SMAD2: variants seen among roughly 807,000 people sequenced by gnomAD.
The protein encoded by SMAD2 is SMAD family member 2, also known as MAD homolog 2.
A neutral mutation model predicts 64.4 loss-of-function variants in SMAD2; 8 were observed. That is an observed-to-expected ratio of 0.12 (90% CI 0.07 to 0.22). SMAD2 has a LOEUF of 0.22. Among genes scored for constraint, SMAD2 ranks in the 10% least tolerant of loss-of-function variants. The probability of loss-of-function intolerance (pLI) is 1.00; values close to 1 mark genes in which losing one functional copy is unlikely to be tolerated. For missense variants in SMAD2, 289 were observed against 561.2 expected (o/e 0.51, Z 4.90); for synonymous variants, 203 against 195.8 (o/e 1.04, Z -0.31).
intron 10 of SMAD2, among the ~76,000 whole-genome samples, chr18:47,842,837 C>T (rs1230337230): frequency 6.6e-6 from 1 of 152,162 alleles, no homozygotes; most frequent in African/African-American, 2.4e-5. Flanking sequence ...AAAGGGGCAA[C>T]TCTAAGAGAA....
chr18:47,895,099 TA>T (rs1354876309), intron 2 of SMAD2, among the ~76,000 whole-genome samples: 1 of 152,238 alleles, frequency 6.6e-6, no homozygotes, highest in Non-Finnish European at 1.5e-5. Flanking sequence ...TAAAAATATG[TA>T]AGATCCTCTT....
Position 47,832,295 on chromosome 18 carries a change from A to C in SMAD2, c.*9532T>G, listed in dbSNP as rs16958485. 6.6e-6 allele frequency: 1 copy of C among 152,210 alleles called. No homozygotes were observed. Among genetic ancestry groups the C allele is most frequent in the Non-Finnish European group, 1.5e-5 (1 of 68,046 alleles). 9.4% of individuals were successfully genotyped at this position (152,210 alleles called of 1,614,324 possible). On this transcript the variant is annotated 3_prime_UTR_variant, in exon 11 of 11. Transcript: ENST00000262160. ...CAGGCAAAGCCAGGCTGAGGTGACA[A>C]TGTAGAAGGATCTCGAGTCAGCCCT...
chr18:47,871,080 T>G (rs540218626), intron 2 of SMAD2, among the ~76,000 whole-genome samples: 5 of 152,184 alleles, frequency 3.3e-5, no homozygotes, highest in African/African-American at 4.8e-5. Context: ...CTAGAATAAA[T>G]AAAGAAATAG....
Position 47,827,690 on chromosome 18 carries a change from C to T in SMAD2, c.*14137G>A, listed in dbSNP as rs1912808179. On this transcript the variant is annotated 3_prime_UTR_variant, in exon 11 of 11. Coordinates refer to ENST00000262160, the MANE Select transcript of SMAD2 (RefSeq NM_005901.6). The stretch of plus-strand genomic sequence containing the variant: ...GGAGACGGGGTTTCGCCGTGTTGGC[C>T]AGGCTGGTCTCCAGCTCCTGACCGC... 1 of 159,126 alleles carries T rather than the reference C, an allele frequency of 6.3e-6. No homozygotes were observed. The highest frequency in any genetic ancestry group is 1.4e-5 in the Non-Finnish European group (1 of 72,970). 9.9% of individuals were successfully genotyped at this position (159,126 alleles called of 1,614,324 possible).
At chr18:47,871,303 C>T (rs1384455397) in intron 2 of SMAD2, among the ~76,000 whole-genome samples, 1 of 152,168 alleles carries the variant, frequency 6.6e-6, no homozygotes, top group African/African-American at 2.4e-5. Flanking sequence ...CTAAGTTGTA[C>T]TTTTCTGAAA....
chr18:47,875,239 C>T (rs757387728), intron 2 of SMAD2, among the ~76,000 whole-genome samples: 10 of 152,082 alleles, frequency 6.6e-5, no homozygotes, highest in African/African-American at 1.9e-4. Flanking sequence ...TTTTAAGATG[C>T]CTTTGGTAGG....
At position 47,904,460 on chromosome 18, in the gene SMAD2, G is replaced by A. The variant is rs771644549; in HGVS notation, c.-53-7651C>T. Among the ~76,000 whole-genome samples, 20 of 151,842 alleles carry A rather than the reference G, an allele frequency of 1.3e-4. No individual in the cohort carries two copies. In the East Asian group the frequency reaches 1.9e-3, roughly 15 times the overall value. ...AATAACCACCATATTCTACTGCCAC[G>A]GGAAGGGAGGAAACATTGCTACCAC... On this transcript the variant is annotated intron_variant, in intron 1 of 10. Transcript: ENST00000262160.
chr18:47,857,282 C>A (rs1489970439), intron 6 of SMAD2, among the ~76,000 whole-genome samples: 1 of 152,138 alleles, frequency 6.6e-6, no homozygotes, highest in Non-Finnish European at 1.5e-5. Context: ...ACATTATAAT[C>A]ATCAAATTCA....
Position 47,824,259 on chromosome 18 carries a change from C to T in SMAD2, c.*17568G>A, listed in dbSNP as rs932229921. ...CCTGACAAATGGAGCCAGGGAAGTC[C>T]ATGAAGAGAGGGATTTTACGCACTA... On this transcript the variant is annotated 3_prime_UTR_variant, in exon 11 of 11. Transcript: ENST00000262160. 6.6e-6 allele frequency: 1 copy of T among 152,126 alleles called. No individual in the cohort carries two copies. Among genetic ancestry groups the T allele is most frequent in the Non-Finnish European group, 1.5e-5 (1 of 68,028 alleles). 9.4% of individuals were successfully genotyped at this position (152,126 alleles called of 1,614,324 possible).
In SMAD2 at chr18:47,826,624, C is replaced by G. The variant is rs1320143833; in HGVS notation, c.*15203G>C. ...AAGACTACAACTGCTCCAGAGACAT[C>G]TAGCCGAAATCACTTATCTAATTCA... is the stretch of plus-strand genomic sequence containing the variant. On this transcript the variant is annotated 3_prime_UTR_variant, in exon 11 of 11. Transcript: ENST00000262160. 6.6e-6 allele frequency: 1 copy of G among 152,234 alleles called. No individual in the cohort carries two copies. Among genetic ancestry groups the G allele is most frequent in the Admixed American group, 6.5e-5 (1 of 15,290 alleles). 9.4% of individuals were successfully genotyped at this position (152,234 alleles called of 1,614,324 possible).
In SMAD2 at chr18:47,810,673, G is replaced by T. The variant is rs1912171548; in HGVS notation, c.*31154C>A. On this transcript the variant is annotated 3_prime_UTR_variant, in exon 11 of 11. Coordinates refer to ENST00000262160, the MANE Select transcript of SMAD2 (RefSeq NM_005901.6). Reference sequence around the variant, plus strand: ...ATAAAGCCCAGGCATGGTGGCTCATGCCTGTAATCCCAACACGTTGGGAGG... The same window carrying T: ...ATAAAGCCCAGGCATGGTGGCTCATTCCTGTAATCCCAACACGTTGGGAGG... 1 of 152,234 alleles carries T rather than the reference G, an allele frequency of 6.6e-6. No homozygotes were observed. The highest frequency in any genetic ancestry group is 6.5e-5 in the Admixed American group (1 of 15,288). 9.4% of individuals were successfully genotyped at this position (152,234 alleles called of 1,614,324 possible). A position where few individuals can be genotyped will look rare whatever the true frequency, so the allele number is the denominator to read the frequency against.
chr18:47,909,408 T>G (rs1055149751), intron 1 of SMAD2, among the ~76,000 whole-genome samples: 1 of 152,126 alleles, frequency 6.6e-6, no homozygotes, highest in Non-Finnish European at 1.5e-5. Context: ...AGTAGATGAG[T>G]TAGTTCCTAG....
intron 6 of SMAD2, among the ~76,000 whole-genome samples, chr18:47,852,821 C>T (rs1421369750): frequency 6.6e-6 from 1 of 152,108 alleles, no homozygotes; most frequent in Admixed American, 6.6e-5. Flanking sequence ...ATAAGAACCA[C>T]CACAGACAAC....
intron 6 of SMAD2, among the ~76,000 whole-genome samples, chr18:47,854,962 G>T (rs868528691): frequency 2.0e-5 from 3 of 152,172 alleles, no homozygotes; most frequent in African/African-American, 7.2e-5. Flanking sequence ...GTTTCAAACA[G>T]AGTAGTTTCA....
At chr18:47,861,023 G>T (rs939867601) in intron 6 of SMAD2, among the ~76,000 whole-genome samples, 1 of 151,998 alleles carries the variant, frequency 6.6e-6, no homozygotes, top group Non-Finnish European at 1.5e-5. Context: ...GTCTTAGTTA[G>T]GACAGAAAAA....
chr18:47,844,926 T>C (rs1421481086), intron 10 of SMAD2: 2 of 328,094 alleles, frequency 6.1e-6, no homozygotes, highest in Non-Finnish European at 1.1e-5. Context: ...TGAATTGCTA[T>C]GCTATTGTCA....
intron 6 of SMAD2, among the ~76,000 whole-genome samples, chr18:47,859,818 C>T (rs1394883679): frequency 6.6e-6 from 1 of 152,134 alleles, no homozygotes; most frequent in South Asian, 2.1e-4. Context: ...TAATCCATTA[C>T]AAGACATTCT....
intron 10 of SMAD2, 104 bp downstream of exon 10, chr18:47,845,236 A>G: frequency 5.1e-6 from 6 of 1,187,674 alleles, no homozygotes; most frequent in Non-Finnish European, 7.5e-6. Flanking sequence ...AGCTGACTCT[A>G]TAACCTCATT....
At chr18:47,930,157 G>A (rs918738770) in intron 1 of SMAD2, 1 of 152,322 alleles carries the variant, frequency 6.6e-6, no homozygotes, top group Non-Finnish European at 1.5e-5. Flanking sequence ...GTCAGCCTGG[G>A]CGGCAGCGCA....
Sources: allele counts gnomAD v4.1 joint callset (sites outside exome capture counted in the v4.1 genomes callset), GRCh38; gene constraint gnomAD v4.1.1; transcripts MANE v1.5; gene names NCBI Gene and HGNC (gene_info 2026-07-23, HGNC 2026-07-21).